ROBO2: variants seen among roughly 807,000 people sequenced by gnomAD.
ROBO2 encodes the protein roundabout guidance receptor 2, also known as roundabout homolog 2.
A neutral mutation model predicts 160.8 loss-of-function variants in ROBO2; 53 were observed. The observed-to-expected ratio is 0.33, with a 90% CI of 0.26 to 0.41. The LOEUF is 0.41. Ranked by LOEUF, ROBO2 falls within the 10% of genes least tolerant of loss-of-function variation. ROBO2 has a pLI of 1.00. For synonymous variants in ROBO2, 664 were observed against 611.7 expected (o/e 1.09, Z -1.26); for missense variants, 1,577 against 1,722.4 (o/e 0.92, Z 1.49).
At chr3:76,168,199 A>C (rs923774456) in intron 2 of ROBO2, among the ~76,000 whole-genome samples, 2 of 152,218 alleles carry the variant, frequency 1.3e-5, no homozygotes, top group African/African-American at 2.4e-5. Flanking sequence ...CATTTAGAGT[A>C]AACCTATGTC....
intron 2 of ROBO2, among the ~76,000 whole-genome samples, chr3:77,219,682 T>C (rs2085522521): frequency 6.6e-6 from 1 of 151,294 alleles, no homozygotes; most frequent in Non-Finnish European, 1.5e-5. Context: ...ATTTGTAAAA[T>C]GGTTAAACAG....
intron 2 of ROBO2, among the ~76,000 whole-genome samples, chr3:76,944,507 T>C (rs370818678): frequency 1.0e-3 from 155 of 152,290 alleles, no homozygotes; most frequent in Non-Finnish European, 1.9e-3. Context: ...TAGCCATCAA[T>C]TGAAAACATG....
intron 2 of ROBO2, among the ~76,000 whole-genome samples, chr3:76,919,007 T>C (rs2076501263): frequency 6.6e-6 from 1 of 152,166 alleles, no homozygotes; most frequent in Non-Finnish European, 1.5e-5. Context: ...CTTTGCCACT[T>C]TTAATGGGCT....
chr3:76,624,985 A>C (rs772408702), intron 2 of ROBO2, among the ~76,000 whole-genome samples: 24 of 151,918 alleles, frequency 1.6e-4, no homozygotes, highest in Non-Finnish European at 3.4e-4. Context: ...ATCATTTCTA[A>C]TGCTATAGCT....
intron 2 of ROBO2, among the ~76,000 whole-genome samples, chr3:76,718,418 C>G (rs924049470): frequency 3.9e-5 from 6 of 152,330 alleles, no homozygotes; most frequent in African/African-American, 1.4e-4. Flanking sequence ...ATAGTTTCAT[C>G]AAATTCTGTT....
At chr3:77,166,308 A>G (rs1216037257) in intron 2 of ROBO2, among the ~76,000 whole-genome samples, 1 of 152,200 alleles carries the variant, frequency 6.6e-6, no homozygotes, top group Non-Finnish European at 1.5e-5. Context: ...ATTCTTCTAC[A>G]TAATCACAAT....
intron 2 of ROBO2, among the ~76,000 whole-genome samples, chr3:76,640,840 G>A (rs1186617893): frequency 1.3e-5 from 2 of 152,008 alleles, no homozygotes; most frequent in Non-Finnish European, 2.9e-5. Context: ...TCAAAAAAAA[G>A]AATCAAGATA....
At chr3:77,377,719 G>A (rs181375841) in intron 2 of ROBO2, among the ~76,000 whole-genome samples, 16 of 152,302 alleles carry the variant, frequency 1.1e-4, no homozygotes, top group South Asian at 6.2e-4. Flanking sequence ...TGCAATAGGA[G>A]TTAGATATCT....
intron 2 of ROBO2, among the ~76,000 whole-genome samples, chr3:77,368,498 G>A (rs2071268106): frequency 6.6e-6 from 1 of 152,124 alleles, no homozygotes; most frequent in Non-Finnish European, 1.5e-5. Context: ...CAACTGTGTA[G>A]AATTTCAAGG....
chr3:76,947,897 T>A (rs1280216589), intron 2 of ROBO2, among the ~76,000 whole-genome samples: 37 of 152,170 alleles, frequency 2.4e-4, no homozygotes, highest in Admixed American at 2.4e-3. Flanking sequence ...TTATTCTATT[T>A]GTTTTATATT....
chr3:76,827,037 A>C (rs1386189906), intron 2 of ROBO2, among the ~76,000 whole-genome samples: 1 of 152,156 alleles, frequency 6.6e-6, no homozygotes, highest in African/African-American at 2.4e-5. Context: ...CTACACATTA[A>C]CTTGTCGCAC....
intron 2 of ROBO2, among the ~76,000 whole-genome samples, chr3:77,149,511 T>G (rs2077384448): frequency 6.6e-6 from 1 of 152,160 alleles, no homozygotes; most frequent in African/African-American, 2.4e-5. Context: ...GACAAAACAT[T>G]TGTCACGAGT....
chr3:76,837,662 T>C (rs944309020), intron 2 of ROBO2, among the ~76,000 whole-genome samples: 7 of 151,950 alleles, frequency 4.6e-5, no homozygotes, highest in Non-Finnish European at 8.8e-5. Context: ...ATCGTTGTTG[T>C]TGTTGACTCA....
chr3:76,529,725 T>C (rs1299520372), intron 2 of ROBO2, among the ~76,000 whole-genome samples: 6 of 152,162 alleles, frequency 3.9e-5, no homozygotes, highest in Non-Finnish European at 8.8e-5. Context: ...AAGATATCAG[T>C]GGGTTTCTAG....
intron 2 of ROBO2, among the ~76,000 whole-genome samples, chr3:76,246,442 G>GTCATT (rs1705625777): frequency 6.6e-6 from 1 of 152,096 alleles, no homozygotes; most frequent in Non-Finnish European, 1.5e-5. Context: ...GTCATGTCAT[G>GTCATT]TCTGATTAGT....
intron 2 of ROBO2, among the ~76,000 whole-genome samples, chr3:77,417,623 CA>C (rs2077364720): frequency 6.6e-6 from 1 of 152,024 alleles, no homozygotes; most frequent in Non-Finnish European, 1.5e-5. Flanking sequence ...TGATTTGTAC[CA>C]CTTTAGTCTA....
chr3:76,487,156 T>G (rs2079542994), intron 2 of ROBO2, among the ~76,000 whole-genome samples: 1 of 151,770 alleles, frequency 6.6e-6, no homozygotes, highest in Admixed American at 6.6e-5. Flanking sequence ...TTAATTTTTT[T>G]TTTTTGTAGA....
chr3:76,143,889 C>A (rs1012816608), intron 2 of ROBO2, among the ~76,000 whole-genome samples: 1 of 151,936 alleles, frequency 6.6e-6, no homozygotes, highest in African/African-American at 2.4e-5. Context: ...GCGTTAGTTC[C>A]ACTGTAAGGT....
intron 2 of ROBO2, among the ~76,000 whole-genome samples, chr3:76,894,802 T>C (rs75713903): frequency 0.014 from 2,119 of 152,270 alleles, 35 homozygotes; most frequent in African/African-American, 0.047. Flanking sequence ...AGTCACTTTT[T>C]TTCTGAATCA....
Sources: gnomAD v4.1 joint callset for allele counts (sites outside exome capture counted in the v4.1 genomes callset) on GRCh38, gnomAD v4.1.1 for gene constraint, MANE v1.5 for transcripts, NCBI Gene and HGNC (gene_info 2026-07-23, HGNC 2026-07-21) for gene names.